NKAIN2: variants seen among roughly 807,000 people sequenced by gnomAD.
The protein encoded by NKAIN2 is sodium/potassium-transporting ATPase subunit beta-1-interacting protein 2.
Under a neutral mutation model 32.6 loss-of-function variants are expected in NKAIN2, and 14 were observed. The observed-to-expected ratio is 0.43, with a 90% CI of 0.28 to 0.67. NKAIN2 has a LOEUF of 0.67. Among genes scored for constraint, NKAIN2 ranks in the 30% least tolerant of loss-of-function variants. The probability of loss-of-function intolerance (pLI) is 0.17; values close to 1 mark genes in which losing one functional copy is unlikely to be tolerated. For missense variants in NKAIN2, 198 were observed against 258.3 expected, an observed-to-expected ratio of 0.77 and a Z score of 1.60; for synonymous variants, 80 against 87.2, an observed-to-expected ratio of 0.92 and a Z score of 0.46.
At chr6:123,876,669 G>A (rs1044677606) in intron 1 of NKAIN2, among the ~76,000 whole-genome samples, 1 of 152,154 alleles carries the variant, frequency 6.6e-6, no homozygotes, top group Non-Finnish European at 1.5e-5. Context: ...GATACTTTCA[G>A]CTCAAGCAGT....
chr6:124,595,085 C>G (rs1782036019), intron 3 of NKAIN2, among the ~76,000 whole-genome samples: 7 of 152,152 alleles, frequency 4.6e-5, no homozygotes, highest in Admixed American at 4.6e-4. Context: ...AAAGAGCTGT[C>G]TAGGTCTATG....
intron 3 of NKAIN2, among the ~76,000 whole-genome samples, chr6:124,625,588 A>AT (rs1334437895): frequency 1.3e-5 from 2 of 152,166 alleles, no homozygotes; most frequent in Non-Finnish European, 2.9e-5. Context: ...CAGCAAGAGT[A>AT]TTTTTCAAAC....
chr6:124,670,525 G>A (rs1450075732), intron 4 of NKAIN2, among the ~76,000 whole-genome samples: 1 of 152,000 alleles, frequency 6.6e-6, no homozygotes, highest in Non-Finnish European at 1.5e-5. Flanking sequence ...GATTAAATCT[G>A]AGTGCCATGA....
At chr6:123,987,718 C>T (rs1779206575) in intron 1 of NKAIN2, among the ~76,000 whole-genome samples, 1 of 152,112 alleles carries the variant, frequency 6.6e-6, no homozygotes, top group Non-Finnish European at 1.5e-5. Flanking sequence ...CCATGTGGCT[C>T]CTCCATCTTC....
intron 1 of NKAIN2, among the ~76,000 whole-genome samples, chr6:124,150,311 A>G (rs970777219): frequency 6.6e-6 from 1 of 152,198 alleles, no homozygotes; most frequent in African/African-American, 2.4e-5. Flanking sequence ...AAAAAATGCT[A>G]TCAAAACTAA....
At chr6:124,499,689 A>G (rs547201932) in intron 3 of NKAIN2, among the ~76,000 whole-genome samples, 1 of 152,300 alleles carries the variant, frequency 6.6e-6, no homozygotes, top group East Asian at 1.9e-4. Flanking sequence ...TTGGTCTCAG[A>G]TTTAAGAGTC....
chr6:124,050,044 T>C (rs1207680717), intron 1 of NKAIN2, among the ~76,000 whole-genome samples: 2 of 151,974 alleles, frequency 1.3e-5, no homozygotes, highest in African/African-American at 4.8e-5. Context: ...TAAAGAAATT[T>C]GCGTGTAGTA....
intron 3 of NKAIN2, among the ~76,000 whole-genome samples, chr6:124,509,434 T>G (rs957788193): frequency 6.6e-6 from 1 of 152,226 alleles, no homozygotes; most frequent in African/African-American, 2.4e-5. Flanking sequence ...TCTATCAGTA[T>G]TAGTAATAGA....
rs762526277 is a variant in NKAIN2, at chr6:123,879,526, GCTC to G, written c.54+75275_54+75277del. Reference sequence around the variant, plus strand: ...TGCTCCAGGTTATTGACACAGCTCTGCTCCTGGTGATCATTCAGGAGCTCAGGT... The same window carrying G: ...TGCTCCAGGTTATTGACACAGCTCTGCTGGTGATCATTCAGGAGCTCAGGT... On this transcript the variant is annotated intron_variant, in intron 1 of 6. Transcript: ENST00000368417. Among the ~76,000 whole-genome samples, 176 of 152,272 alleles carry G rather than the reference GCTC, an allele frequency of 1.2e-3. 1 individual carries two copies. Among genetic ancestry groups the G allele is most frequent in the African/African-American group, 3.1e-3 (128 of 41,560 alleles).
chr6:124,167,370 T>C (rs1299473087), intron 1 of NKAIN2, among the ~76,000 whole-genome samples: 10 of 152,092 alleles, frequency 6.6e-5, no homozygotes, highest in African/African-American at 1.9e-4. Context: ...ATTGATTTTG[T>C]ATCCTGAGAC....
chr6:124,278,976 C>A (rs559442583), intron 1 of NKAIN2, among the ~76,000 whole-genome samples: 93 of 152,020 alleles, frequency 6.1e-4, no homozygotes, highest in Admixed American at 1.8e-3. Flanking sequence ...GTATAAAAAC[C>A]TCATGACACA....
chr6:124,211,007 GTTTTATTCC>G (rs1398318883), intron 1 of NKAIN2, among the ~76,000 whole-genome samples: 92 of 150,706 alleles, frequency 6.1e-4, no homozygotes, highest in African/African-American at 2.1e-3. Context: ...GGGCATTCTT[GTTTTATTCC>G]AGATTTTAGA....
chr6:124,665,996 C>T (rs750338200), intron 4 of NKAIN2, among the ~76,000 whole-genome samples: 15 of 152,100 alleles, frequency 9.9e-5, no homozygotes, highest in Non-Finnish European at 2.2e-4. Context: ...TTAGGACAAA[C>T]TGTCTTGTGC....
chr6:124,208,174 T>A (rs1340870403), intron 1 of NKAIN2, among the ~76,000 whole-genome samples: 2 of 151,900 alleles, frequency 1.3e-5, no homozygotes. Context: ...TGCTTTGTGA[T>A]CTTGGCTAAT....
Position 124,658,386 on chromosome 6 carries a change from A to G in NKAIN2, c.474A>G (p.Ala158=), listed in dbSNP as rs143506740. 9.9e-6 allele frequency: 16 copies of G among 1,614,104 alleles called. No individual in the cohort carries two copies. In the African/African-American group the frequency reaches 2.0e-4, roughly 20 times the overall value. The change falls in exon 4 of 7, where the codon GCA becomes GCG. Residue 158 remains alanine (A), a splice_region_variant and synonymous_variant. Coordinates refer to ENST00000368417, the MANE Select transcript of NKAIN2 (RefSeq NM_001040214.3). ...VAHSSLQIVL[A]LAGFIYACYV... is the part of the protein sequence containing the mutation. ...ATAGTTCCCTCCAGATTGTCCTCGC[A>G]GTAAGTGTTGGCAGCCAACCGCTCC...
chr6:123,982,373 T>C (rs961658706), intron 1 of NKAIN2, among the ~76,000 whole-genome samples: 2 of 152,206 alleles, frequency 1.3e-5, no homozygotes, highest in African/African-American at 4.8e-5. Context: ...GGATTTATTA[T>C]AAAGAAAGGT....
At chr6:124,599,165 C>G (rs986466543) in intron 3 of NKAIN2, among the ~76,000 whole-genome samples, 3 of 151,742 alleles carry the variant, frequency 2.0e-5, no homozygotes, top group Non-Finnish European at 2.9e-5. Context: ...GTCTTTGGTG[C>G]CTCATCAAAC....
chr6:124,557,309 A>G (rs537883040), intron 3 of NKAIN2, among the ~76,000 whole-genome samples: 192 of 152,326 alleles, frequency 1.3e-3, no homozygotes, highest in African/African-American at 4.6e-3. Flanking sequence ...AAAGTACAAA[A>G]AAGTAGAGAT....
Position 124,823,566 on chromosome 6 carries a change from T to TA in NKAIN2, c.*339dup. The TA allele has an allele frequency of 3.6e-6, 1 of 274,582 alleles. No individual in the cohort carries two copies. Among genetic ancestry groups the TA allele is most frequent in the Non-Finnish European group, 7.0e-6 (1 of 143,586 alleles). The allele number at this position is 274,582 out of a possible 1,614,324, so 17.0% of individuals were successfully genotyped here. Reference sequence around the variant, plus strand: ...ATGCCCAACGGTTGCCGGCCATTGCTAACTCCTCTGCAGCCCAGCGGGTTG... The same window carrying TA: ...ATGCCCAACGGTTGCCGGCCATTGCTAAACTCCTCTGCAGCCCAGCGGGTTG... On this transcript the variant is annotated 3_prime_UTR_variant, in exon 7 of 7. Transcript: ENST00000368417.
Sources: gnomAD v4.1 joint callset for allele counts (sites outside exome capture counted in the v4.1 genomes callset) on GRCh38, gnomAD v4.1.1 for gene constraint, MANE v1.5 for transcripts, NCBI Gene and HGNC (gene_info 2026-07-23, HGNC 2026-07-21) for gene names.